POTEB3: variants seen among roughly 807,000 people sequenced by gnomAD.
POTEB3 encodes the protein POTE ankyrin domain family member B3.
POTEB3 carries 5 observed loss-of-function variants against 39.8 expected under a neutral mutation model. The observed-to-expected ratio is 0.13, with a 90% confidence interval of 0.07 to 0.26. The LOEUF (loss-of-function observed/expected upper bound fraction) is 0.26. POTEB3 is among the 10% of genes least tolerant of loss of function. The probability of loss-of-function intolerance (pLI) is 1.00; values close to 1 mark genes in which losing one functional copy is unlikely to be tolerated. For missense variants in POTEB3, 24 were observed against 475.6 expected (o/e 0.05, Z 8.83); for synonymous variants, 5 against 161.5 (o/e 0.03, Z 7.35).
chr15:21,434,367 A>G lies in POTEB3; in HGVS notation c.810+294T>C, dbSNP rs1451567922. Among the ~76,000 whole-genome samples, 17 of 125,906 alleles carry G rather than the reference A, an allele frequency of 1.4e-4. No individual in the cohort carries two copies. The South Asian group carries it at 3.0e-3, about 22-fold the overall frequency. The allele number at this position is 125,906 out of a possible 152,430, so 82.6% of individuals were successfully genotyped here. ...TTTTGTCATTTTACATTTGTTAGGG[A>G]AAAAAAAACTTGGCAGGGAAAAATT... On this transcript the variant is annotated intron_variant, in intron 3 of 10. Transcript: ENST00000611217.
intron 3 of POTEB3, among the ~76,000 whole-genome samples, chr15:21,434,457 AG>A (rs1899111628): frequency 1.2e-5 from 1 of 86,002 alleles, no homozygotes; most frequent in Non-Finnish European, 2.3e-5. Flanking sequence ...ATTAACCACA[AG>A]TGCACTGAAA....
chr15:21,430,773 G>T (rs1433194604), intron 4 of POTEB3, among the ~76,000 whole-genome samples: 13 of 151,410 alleles, frequency 8.6e-5, no homozygotes, highest in African/African-American at 3.2e-4. Context: ...ATTAGCTAGG[G>T]GCTAAGATAA....
At chr15:21,411,023 A>G (rs1898311787) in intron 9 of POTEB3, 22 bp from the exon 10 acceptor site, 1 of 1,070,028 alleles carries the variant, frequency 9.3e-7, no homozygotes, top group East Asian at 4.0e-5. Context: ...TTTAATTTTC[A>G]TGAAATACTG....
intron 5 of POTEB3, chr15:21,428,959 T>C (rs1380973956): frequency 6.8e-5 from 10 of 147,048 alleles, no homozygotes; most frequent in Non-Finnish European, 9.0e-5. Context: ...GTTCCAATTT[T>C]AGGATATGTG....
At chr15:21,422,746 T>C in intron 6 of POTEB3, among the ~76,000 whole-genome samples, 1 of 151,404 alleles carries the variant, frequency 6.6e-6, no homozygotes. Flanking sequence ...AATGCATATA[T>C]TTTGCAAATT....
At chr15:21,434,008 C>T (rs1166412910) in intron 3 of POTEB3, among the ~76,000 whole-genome samples, 2 of 136,798 alleles carry the variant, frequency 1.5e-5, no homozygotes, top group Admixed American at 1.5e-4. Flanking sequence ...ATAAAGGAAA[C>T]AAATGAATGA....
chr15:21,424,923 C>A, intron 6 of POTEB3: 1 of 146,166 alleles, frequency 6.8e-6, no homozygotes, highest in African/African-American at 2.6e-5. Context: ...ACAAAAAAGC[C>A]TTCCAACTAT....
chr15:21,433,475 T>G (rs1307491291), intron 3 of POTEB3, among the ~76,000 whole-genome samples: 2 of 149,764 alleles, frequency 1.3e-5, no homozygotes, highest in Non-Finnish European at 3.0e-5. Flanking sequence ...ACCTGAAGAT[T>G]ATTTAAAAAT....
At chr15:21,423,374 G>T (rs4983983) in intron 6 of POTEB3, among the ~76,000 whole-genome samples, 585 of 65,362 alleles carry the variant, frequency 9.0e-3, no homozygotes, top group South Asian at 0.018. Flanking sequence ...TGCAATTACA[G>T]GTGTGAGCCA....
chr15:21,410,017 C>T (rs1305696280), intron 10 of POTEB3, among the ~76,000 whole-genome samples: 2 of 95,580 alleles, frequency 2.1e-5, no homozygotes, highest in Admixed American at 9.0e-5. Context: ...ATATATGCAA[C>T]GTGCAAGATT....
At chr15:21,413,506 TTATATATATATATA>T (rs1160375320) in intron 9 of POTEB3, among the ~76,000 whole-genome samples, 12 of 1,452 alleles carry the variant, frequency 8.3e-3, no homozygotes, top group East Asian at 0.067. Context: ...ATAAAGAAAA[TTATATATATATATA>T]TATATATATA....
intron 3 of POTEB3, among the ~76,000 whole-genome samples, chr15:21,433,466 C>A (rs1899057379): frequency 6.7e-6 from 1 of 149,426 alleles, no homozygotes; most frequent in Non-Finnish European, 1.5e-5. Flanking sequence ...AAAACCTAGA[C>A]CTGAAGATTA....
rs1376253020 is a variant in POTEB3 at position 21,433,805 on chromosome 15, A to G, written c.810+856T>C. ...AATTGGCCATTTCTACCAGAATAGG[A>G]TACTAAGTTGGTTAATTACTTGTTA... On this transcript the variant is annotated intron_variant, in intron 3 of 10. Transcript: ENST00000611217. Among the ~76,000 whole-genome samples the G allele has an allele frequency of 5.6e-4, 84 of 151,340 alleles. 1 individual carries two copies. Among genetic ancestry groups the G allele is most frequent in the African/African-American group, 1.9e-3 (77 of 40,948 alleles).
intron 4 of POTEB3, among the ~76,000 whole-genome samples, chr15:21,430,969 A>T (rs1288974063): frequency 6.6e-6 from 1 of 151,538 alleles, no homozygotes; most frequent in African/African-American, 2.4e-5. Flanking sequence ...CACATATGAC[A>T]ACATATTGGG....
chr15:21,417,826 G>T (rs1215854217), intron 9 of POTEB3, among the ~76,000 whole-genome samples: 1 of 107,084 alleles, frequency 9.3e-6, no homozygotes, highest in East Asian at 2.2e-4. Flanking sequence ...GGAAAAATAT[G>T]GTGAGGTGAA....
intron 3 of POTEB3, among the ~76,000 whole-genome samples, chr15:21,433,300 C>T (rs1464186107): frequency 1.3e-5 from 2 of 150,764 alleles, no homozygotes; most frequent in African/African-American, 4.9e-5. Flanking sequence ...GTTGACCAGG[C>T]TAGAGTAGAA....
intron 5 of POTEB3, among the ~76,000 whole-genome samples, chr15:21,428,577 A>C: frequency 1.3e-5 from 2 of 150,868 alleles, no homozygotes; most frequent in Non-Finnish European, 3.0e-5. Flanking sequence ...TTGTTAGGAT[A>C]ATGCTTTATA....
At position 21,423,410 on chromosome 15, in the gene POTEB3, T is replaced by C. The variant is rs1427318847; in HGVS notation, c.1127-1220A>G. On this transcript the variant is annotated intron_variant, in intron 6 of 10. Transcript: ENST00000611217. Reference sequence around the variant, plus strand: ...CCACACCCAGCCTTGTTTTCATCTTTTAAAACAATGCTATGGGAAGTCTTC... The same window carrying C: ...CCACACCCAGCCTTGTTTTCATCTTCTAAAACAATGCTATGGGAAGTCTTC... 8.2e-5 allele frequency among the ~76,000 whole-genome samples: 5 copies of C among 61,072 alleles called. No individual in the cohort carries two copies. In the East Asian group the frequency reaches 1.9e-3, roughly 23 times the overall value. The allele number at this position is 61,072 out of a possible 152,430, so 40.1% of individuals were successfully genotyped here. A position where few individuals can be genotyped will look rare whatever the true frequency, so the allele number is the denominator to read the frequency against.
intron 3 of POTEB3, among the ~76,000 whole-genome samples, chr15:21,434,162 C>G (rs1214795116): frequency 7.1e-6 from 1 of 141,816 alleles, no homozygotes; most frequent in Non-Finnish European, 1.5e-5. Context: ...CTGCATTTTT[C>G]CCTTTCCAAT....
Sources: gnomAD v4.1 joint callset for allele counts (sites outside exome capture counted in the v4.1 genomes callset) on GRCh38, gnomAD v4.1.1 for gene constraint, MANE v1.5 for transcripts, NCBI Gene and HGNC (gene_info 2026-07-23, HGNC 2026-07-21) for gene names.